The following IFT88 variants were observed in gnomAD, a reference collection of about 807,000 sequenced individuals.
IFT88 encodes intraflagellar transport 88.
A neutral mutation model predicts 119.5 loss-of-function variants in IFT88; 74 were observed. The ratio of observed to expected loss-of-function variants is 0.62; its 90% CI spans 0.51 to 0.75. IFT88 has a LOEUF of 0.75. Ranked by LOEUF, IFT88 falls within the 30% of genes least tolerant of loss-of-function variation. The pLI is 0.00. For missense variants in IFT88, 961 were observed against 977.7 expected, an observed-to-expected ratio of 0.98 and a Z score of 0.23; for synonymous variants, 279 against 316.7, an observed-to-expected ratio of 0.88 and a Z score of 1.26.
At chr13:20,607,760 T>G in intron 13 of IFT88, 2 of 749,566 alleles carry the variant, frequency 2.7e-6, no homozygotes, top group Non-Finnish European at 5.0e-6. Flanking sequence ...GCCTAGAATG[T>G]CATTGCCTTC....
intron 13 of IFT88, among the ~76,000 whole-genome samples, chr13:20,606,562 C>A (rs2043498070): frequency 6.6e-6 from 1 of 152,134 alleles, no homozygotes; most frequent in Non-Finnish European, 1.5e-5. Context: ...TCTCATAATT[C>A]AGAAATGTCC....
At position 20,688,961 on chromosome 13, in the gene IFT88, A is replaced by G. The variant is rs960789715; in HGVS notation, c.2243-1744A>G. 2.0e-5 allele frequency among the ~76,000 whole-genome samples: 3 copies of G among 152,066 alleles called. No individual in the cohort carries two copies. In the East Asian group the frequency reaches 5.8e-4, roughly 29 times the overall value. The stretch of plus-strand genomic sequence containing the variant: ...TAATTTATTTATTTATTGAGACAGA[A>G]TCTCACCCTGTAGCCCAGGCTGGAA... On this transcript the variant is annotated intron_variant, in intron 24 of 25. Transcript: ENST00000351808.
rs2049344924 is a variant in IFT88 at position 20,638,381 on chromosome 13, C to T, written c.1436C>T (p.Ser479Phe). The change falls in exon 17 of 26, where the codon TCT becomes TTT. Residue 479 changes from serine (S) to phenylalanine (F), a missense_variant. Ser to Phe is a radical substitution (Grantham distance 155). Transcript: ENST00000351808. ...ASSYADIAVN[S>F]DRYNPAALTN... Reference sequence around the variant, plus strand: ...AGCTATGCAGATATAGCTGTGAACTCTGATAGATATAATCCAGCAGCTCTT... The same window carrying T: ...AGCTATGCAGATATAGCTGTGAACTTTGATAGATATAATCCAGCAGCTCTT... 2.0e-6 allele frequency: 3 copies of T among 1,486,830 alleles called. No homozygotes were observed. In the African/African-American group the frequency reaches 4.3e-5, roughly 21 times the overall value. 92.1% of individuals were successfully genotyped at this position (1,486,830 alleles called of 1,614,324 possible). A position where few individuals can be genotyped will look rare whatever the true frequency, so the allele number is the denominator to read the frequency against.
intron 24 of IFT88, among the ~76,000 whole-genome samples, chr13:20,682,459 G>A (rs1352939279): frequency 6.6e-6 from 1 of 152,178 alleles, no homozygotes; most frequent in Non-Finnish European, 1.5e-5. Flanking sequence ...GGCATAGGTA[G>A]GAATGCCTAG....
intron 16 of IFT88, among the ~76,000 whole-genome samples, chr13:20,635,760 C>A (rs541155182): frequency 1.2e-4 from 18 of 152,110 alleles, no homozygotes; most frequent in East Asian, 1.2e-3. Context: ...GCATTAGGAC[C>A]AATACCTAAT....
intron 15 of IFT88, among the ~76,000 whole-genome samples, chr13:20,629,511 A>G (rs1300950272): frequency 1.3e-5 from 2 of 152,202 alleles, no homozygotes; most frequent in African/African-American, 2.4e-5. Context: ...CTTTGAAGTC[A>G]TCAAAAACCC....
chr13:20,687,781 A>G (rs1291410256), intron 24 of IFT88, among the ~76,000 whole-genome samples: 1 of 152,216 alleles, frequency 6.6e-6, no homozygotes, highest in Non-Finnish European at 1.5e-5. Context: ...AAAAAACTTC[A>G]AAAATGCACG....
chr13:20,661,436 T>G (rs1330840798), intron 22 of IFT88, among the ~76,000 whole-genome samples: 2 of 152,156 alleles, frequency 1.3e-5, no homozygotes, highest in Non-Finnish European at 2.9e-5. Flanking sequence ...AAAGACAGTT[T>G]ATAAAAACTA....
chr13:20,621,157 C>T (rs2139816952), intron 14 of IFT88, among the ~76,000 whole-genome samples: 1 of 152,262 alleles, frequency 6.6e-6, no homozygotes, highest in South Asian at 2.1e-4. Context: ...CCTCCACCTC[C>T]CTAGTTTCAA....
chr13:20,640,963 T>C (rs930544469), intron 17 of IFT88, among the ~76,000 whole-genome samples: 4 of 152,124 alleles, frequency 2.6e-5, no homozygotes, highest in African/African-American at 7.2e-5. Context: ...CTGAGCAACA[T>C]GGCAAAATCC....
At chr13:20,569,919 C>G (rs1002983264) in intron 1 of IFT88, among the ~76,000 whole-genome samples, 1 of 151,698 alleles carries the variant, frequency 6.6e-6, no homozygotes, top group African/African-American at 2.4e-5. Context: ...GTGGCGGGTG[C>G]CTGTAGTCCC....
chr13:20,665,721 A>G (rs1709169448), intron 23 of IFT88, among the ~76,000 whole-genome samples: 1 of 152,172 alleles, frequency 6.6e-6, no homozygotes, highest in Admixed American at 6.5e-5. Context: ...ATTGATTATG[A>G]TCTGCCGTGC....
intron 18 of IFT88, chr13:20,641,664 G>A (rs922889652): frequency 3.7e-5 from 11 of 294,064 alleles, no homozygotes; most frequent in Non-Finnish European, 3.8e-5. Flanking sequence ...GGACATTTTC[G>A]GTACATATAA....
At chr13:20,579,400 G>A (rs73431319) in intron 2 of IFT88, among the ~76,000 whole-genome samples, 3,163 of 152,234 alleles carry the variant, frequency 0.021, 98 homozygotes, top group African/African-American at 0.072. Context: ...CTTTTCCCCA[G>A]GCAGCAGATT....
chr13:20,587,711 G>A (rs1246111803), intron 3 of IFT88, among the ~76,000 whole-genome samples: 2 of 152,096 alleles, frequency 1.3e-5, no homozygotes, highest in Non-Finnish European at 2.9e-5. Flanking sequence ...TTGTTATGAA[G>A]TATGCCTCTA....
At chr13:20,635,529 C>T (rs549714602) in intron 16 of IFT88, among the ~76,000 whole-genome samples, 4 of 152,342 alleles carry the variant, frequency 2.6e-5, no homozygotes, top group East Asian at 3.9e-4. Context: ...TCTGCTCCCT[C>T]GGAGTGGCCC....
At chr13:20,664,597 C>T (rs2140874753) in intron 23 of IFT88, among the ~76,000 whole-genome samples, 1 of 152,076 alleles carries the variant, frequency 6.6e-6, no homozygotes, top group Non-Finnish European at 1.5e-5. Context: ...CTTCACTGAA[C>T]ATGAAAAACA....
intron 13 of IFT88, chr13:20,607,867 C>G: frequency 1.4e-6 from 1 of 716,076 alleles, no homozygotes; most frequent in African/African-American, 1.7e-5. Flanking sequence ...GCTGCCCAAC[C>G]CAGTCACCAG....
chr13:20,652,785 T>C (rs1251368826), intron 20 of IFT88, among the ~76,000 whole-genome samples: 1 of 152,120 alleles, frequency 6.6e-6, no homozygotes, highest in Non-Finnish European at 1.5e-5. Context: ...TAAGTGATTC[T>C]AGGGTGTTAG....
Sources: allele counts gnomAD v4.1 joint callset (sites outside exome capture counted in the v4.1 genomes callset), GRCh38; gene constraint gnomAD v4.1.1; transcripts MANE v1.5; gene names NCBI Gene and HGNC (gene_info 2026-07-23, HGNC 2026-07-21).